The following ASIC2 variants were observed in gnomAD, a reference collection of about 807,000 sequenced individuals.
The protein encoded by ASIC2 is acid sensing ion channel subunit 2.
In ASIC2, 25 loss-of-function variants were observed where a neutral mutation model predicts 57.3. The observed-to-expected ratio is 0.44, with a 90% confidence interval of 0.32 to 0.61. The LOEUF (loss-of-function observed/expected upper bound fraction) is 0.61, where lower values mean the gene tolerates loss of function less well. Ranked by LOEUF, ASIC2 falls within the 20% of genes least tolerant of loss-of-function variation. ASIC2 has a pLI of 0.06. For synonymous variants in ASIC2, 319 were observed against 307.5 expected (o/e 1.04, Z -0.39); for missense variants, 641 against 738.1 (o/e 0.87, Z 1.52).
chr17:33,455,270 G>T (rs1234859423), intron 1 of ASIC2, among the ~76,000 whole-genome samples: 4 of 152,122 alleles, frequency 2.6e-5, no homozygotes, highest in Non-Finnish European at 4.4e-5. Context: ...GCTGAAATTT[G>T]GGGTGTGAAT....
intron 1 of ASIC2, among the ~76,000 whole-genome samples, chr17:34,009,871 A>G (rs1906653544): frequency 6.6e-6 from 1 of 152,260 alleles, no homozygotes; most frequent in Non-Finnish European, 1.5e-5. Context: ...AGGTCAGGGC[A>G]GTAACGGGAG....
At chr17:33,943,731 C>T (rs1326827469) in intron 1 of ASIC2, among the ~76,000 whole-genome samples, 1 of 150,656 alleles carries the variant, frequency 6.6e-6, no homozygotes, top group Non-Finnish European at 1.5e-5. Flanking sequence ...ATAACCACAG[C>T]TGCTAGCTCT....
At position 33,239,209 on chromosome 17, in the gene ASIC2, T is replaced by G. The variant is rs143852310; in HGVS notation, c.708+52199A>C. Among the ~76,000 whole-genome samples, 749 of 152,096 alleles carry G rather than the reference T, an allele frequency of 4.9e-3. 5 individuals carry two copies. The highest frequency in any genetic ancestry group is 0.017 in the African/African-American group (720 of 41,476). On this transcript the variant is annotated intron_variant, in intron 1 of 9. Coordinates refer to ENST00000225823, the MANE Select transcript of ASIC2 (RefSeq NM_183377.2). ...AGGAGGCTGAGGCAAGATAATTGCT[T>G]GAACCCGGGAGGCGGAGGTTGCAGT...
At chr17:33,331,962 T>A (rs187828254) in intron 1 of ASIC2, among the ~76,000 whole-genome samples, 28 of 152,336 alleles carry the variant, frequency 1.8e-4, no homozygotes, top group Non-Finnish European at 3.4e-4. Context: ...ATCATACCCT[T>A]CCCTGGACCA....
intron 1 of ASIC2, among the ~76,000 whole-genome samples, chr17:33,746,493 T>C (rs1314149717): frequency 6.6e-6 from 1 of 151,206 alleles, no homozygotes; most frequent in Non-Finnish European, 1.5e-5. Flanking sequence ...TACATATATG[T>C]ATATATACAT....
intron 1 of ASIC2, among the ~76,000 whole-genome samples, chr17:33,895,936 C>G (rs1915083431): frequency 6.6e-6 from 1 of 152,154 alleles, no homozygotes; most frequent in African/African-American, 2.4e-5. Flanking sequence ...ATTTGAGTCT[C>G]AGTTCCTTCA....
Position 33,014,020 on chromosome 17 carries a change from G to C in ASIC2, c.1637C>G (p.Thr546Ser). Residue 546 changes from threonine (T) to serine (S), a missense_variant, in exon 10 of 10, where the codon ACT (threonine) becomes AGT (serine). By Grantham distance (58) the Thr-to-Ser change is moderately conservative. Coordinates refer to ENST00000225823, the MANE Select transcript of ASIC2 (RefSeq NM_183377.2). Reference sequence around the variant, plus strand: ...GGTCGTCTGCAGGGGCACGTTCACAGTGTGACTGATGGTTTCAGAGTGGTT... The same window carrying C: ...GGTCGTCTGCAGGGGCACGTTCACACTGTGACTGATGGTTTCAGAGTGGTT... ...MPNHSETISHTVNVPLQTTLG... is the reference protein window; with the variant it reads ...MPNHSETISHSVNVPLQTTLG... The C allele has an allele frequency of 5.0e-6, 8 of 1,606,032 alleles. No homozygotes were observed. The highest frequency in any genetic ancestry group is 6.8e-6 in the Non-Finnish European group (8 of 1,176,084).
intron 1 of ASIC2, among the ~76,000 whole-genome samples, chr17:33,730,851 C>T (rs1033986959): frequency 6.6e-6 from 1 of 152,162 alleles, no homozygotes; most frequent in African/African-American, 2.4e-5. Context: ...GACCAAATAT[C>T]AAAGCTGAAA....
chr17:33,484,379 C>T (rs2141929277), intron 1 of ASIC2, among the ~76,000 whole-genome samples: 1 of 152,240 alleles, frequency 6.6e-6, no homozygotes, highest in East Asian at 1.9e-4. Flanking sequence ...TAATGATATC[C>T]CCATTGAAAT....
chr17:33,995,744 C>T (rs1906138610), intron 1 of ASIC2, among the ~76,000 whole-genome samples: 1 of 152,072 alleles, frequency 6.6e-6, no homozygotes. Flanking sequence ...TTTCTTTATT[C>T]ATTCACCCAT....
At chr17:33,185,876 A>G (rs1327540825) in intron 1 of ASIC2, among the ~76,000 whole-genome samples, 1 of 152,136 alleles carries the variant, frequency 6.6e-6, no homozygotes, top group Non-Finnish European at 1.5e-5. Flanking sequence ...GAGTGCTCAG[A>G]GGGTATTGCT....
chr17:33,712,659 T>G (rs1909080775), intron 1 of ASIC2, among the ~76,000 whole-genome samples: 1 of 141,660 alleles, frequency 7.1e-6, no homozygotes, highest in South Asian at 2.4e-4. Flanking sequence ...TTTTTTTTTT[T>G]TTTTGAGACG....
intron 1 of ASIC2, among the ~76,000 whole-genome samples, chr17:34,129,492 C>T (rs1286067836): frequency 6.6e-6 from 1 of 152,202 alleles, no homozygotes; most frequent in Non-Finnish European, 1.5e-5. Context: ...GGAACCTCTT[C>T]CACACTCTTA....
At chr17:33,631,563 A>G (rs1906169284) in intron 1 of ASIC2, among the ~76,000 whole-genome samples, 1 of 152,146 alleles carries the variant, frequency 6.6e-6, no homozygotes, top group Non-Finnish European at 1.5e-5. Context: ...CCACTGCAAA[A>G]TGTTGCCGGG....
intron 1 of ASIC2, among the ~76,000 whole-genome samples, chr17:33,497,740 T>C (rs1339958539): frequency 1.3e-5 from 2 of 152,170 alleles, no homozygotes; most frequent in African/African-American, 4.8e-5. Flanking sequence ...GGAAGGATAC[T>C]CAACTTACTT....
intron 1 of ASIC2, among the ~76,000 whole-genome samples, chr17:33,199,433 G>A (rs1477517115): frequency 1.3e-5 from 2 of 152,184 alleles, no homozygotes; most frequent in Non-Finnish European, 2.9e-5. Context: ...CCACAGAGCA[G>A]GGTTCAAATC....
At chr17:34,144,117 A>G (rs1567837298) in intron 1 of ASIC2, among the ~76,000 whole-genome samples, 1 of 152,178 alleles carries the variant, frequency 6.6e-6, no homozygotes, top group Non-Finnish European at 1.5e-5. Context: ...CCACTTTTCT[A>G]AACCTCAGTT....
chr17:33,684,048 G>T (rs1289007798), intron 1 of ASIC2, among the ~76,000 whole-genome samples: 1 of 152,206 alleles, frequency 6.6e-6, no homozygotes, highest in East Asian at 1.9e-4. Flanking sequence ...TTTGCATATA[G>T]ATTTTGCTTT....
At chr17:33,870,322 G>A (rs201172146) in intron 1 of ASIC2, among the ~76,000 whole-genome samples, 5 of 27,794 alleles carry the variant, frequency 1.8e-4, no homozygotes, top group Admixed American at 1.3e-3. Context: ...GAGAAAGAAC[G>A]AACACAGAAA....
Sources: gnomAD v4.1 joint callset for allele counts (sites outside exome capture counted in the v4.1 genomes callset) on GRCh38, gnomAD v4.1.1 for gene constraint, MANE v1.5 for transcripts, NCBI Gene and HGNC (gene_info 2026-07-23, HGNC 2026-07-21) for gene names.